MYO6: variants seen among roughly 807,000 people sequenced by gnomAD.
The protein encoded by MYO6 is unconventional myosin-VI.
A neutral mutation model predicts 178.7 loss-of-function variants in MYO6; 74 were observed. The observed-to-expected ratio is 0.41, with a 90% CI of 0.34 to 0.50. MYO6 has a LOEUF of 0.50. Ranked by LOEUF, MYO6 falls within the 20% of genes least tolerant of loss-of-function variation. The pLI is 0.09. For missense variants in MYO6, 1,330 were observed against 1,547.4 expected, an observed-to-expected ratio of 0.86 and a Z score of 2.36; for synonymous variants, 477 against 504.6, an observed-to-expected ratio of 0.95 and a Z score of 0.73.
chr6:75,753,665 G>A (rs1410523877), intron 1 of MYO6, among the ~76,000 whole-genome samples: 2 of 152,032 alleles, frequency 1.3e-5, no homozygotes, highest in African/African-American at 2.4e-5. Context: ...GTTTTGCCAT[G>A]TTGCCCAGGC....
chr6:75,822,480 G>A (rs1771991659), intron 2 of MYO6, among the ~76,000 whole-genome samples: 1 of 151,432 alleles, frequency 6.6e-6, no homozygotes, highest in African/African-American at 2.4e-5. Flanking sequence ...AATAGCATAT[G>A]TATGTAAATT....
Position 75,848,230 on chromosome 6 carries a change from T to C in MYO6, c.898-121T>C, listed in dbSNP as rs1421325246. The C allele has an allele frequency of 4.5e-6, 4 of 888,064 alleles. No homozygotes were observed. In the African/African-American group the frequency reaches 6.6e-5, roughly 15 times the overall value. The allele number at this position is 888,064 out of a possible 1,614,324, so 55.0% of individuals were successfully genotyped here. On this transcript the variant is annotated intron_variant, in intron 10 of 34. Transcript: ENST00000369977. ...TTTTTGAATGTTAGAATAGTAAAGATTTTCCCATTGACAGATTTTATTTTT... is the reference window on the plus strand; with the variant it reads ...TTTTTGAATGTTAGAATAGTAAAGACTTTCCCATTGACAGATTTTATTTTT...
intron 14 of MYO6, 144 bp downstream of exon 14, chr6:75,859,137 A>C (rs1775977671): frequency 3.1e-6 from 2 of 638,624 alleles, no homozygotes; most frequent in Non-Finnish European, 5.5e-6. Context: ...AGCCCAGCAG[A>C]GGCCCCGGGG....
chr6:75,827,910 A>G (rs1475321352), intron 3 of MYO6, among the ~76,000 whole-genome samples: 1 of 152,210 alleles, frequency 6.6e-6, no homozygotes, highest in Non-Finnish European at 1.5e-5. Flanking sequence ...AGCAAGGCAT[A>G]GAAATGGAGC....
intron 1 of MYO6, among the ~76,000 whole-genome samples, chr6:75,763,772 T>A (rs1778156124): frequency 6.6e-6 from 1 of 152,182 alleles, no homozygotes; most frequent in Non-Finnish European, 1.5e-5. Flanking sequence ...TATTTTATGA[T>A]TCTGAAATAA....
chr6:75,898,326 T>C (rs1779464226), intron 29 of MYO6, 47 bp from the exon 30 acceptor site: 2 of 1,226,608 alleles, frequency 1.6e-6, no homozygotes, highest in Non-Finnish European at 2.4e-6. Flanking sequence ...TTAATTTATG[T>C]AGTATGACTT....
At chr6:75,752,960 C>T (rs1257936881) in intron 1 of MYO6, among the ~76,000 whole-genome samples, 2 of 152,164 alleles carry the variant, frequency 1.3e-5, no homozygotes, top group Admixed American at 1.3e-4. Context: ...TTAAATATTA[C>T]ATAATTAATT....
chr6:75,851,827 A>G (rs957357931), intron 11 of MYO6, among the ~76,000 whole-genome samples: 15 of 151,888 alleles, frequency 9.9e-5, no homozygotes, highest in African/African-American at 3.6e-4. Flanking sequence ...GGAGAGTGAG[A>G]CCCTGTCTCC....
At chr6:75,898,271 T>C (rs1779458052) in intron 29 of MYO6, 102 bp from the exon 30 acceptor site, 3 of 766,026 alleles carry the variant, frequency 3.9e-6, no homozygotes, top group South Asian at 4.2e-5. Flanking sequence ...AGTTGTTAAA[T>C]AATATTGAAA....
rs1413630717 is a variant in MYO6 at position 75,892,710 on chromosome 6, G to C, written c.3107+20G>C. ...GCGGAGGTACTGGGGCCCCTGGGTG[G>C]GGTATAGCGCTCTCTCCTTTGCTTT... On this transcript the variant is annotated intron_variant, in intron 28 of 34. Transcript: ENST00000369977. 1 of 1,611,852 alleles carries C rather than the reference G, an allele frequency of 6.2e-7. No individual in the cohort carries two copies. The highest frequency in any genetic ancestry group is 1.1e-5 in the South Asian group (1 of 90,964).
At chr6:75,905,524 C>T (rs1053337337) in intron 30 of MYO6, among the ~76,000 whole-genome samples, 8 of 152,244 alleles carry the variant, frequency 5.3e-5, no homozygotes, top group Admixed American at 2.6e-4. Flanking sequence ...GGAAAGGGAA[C>T]TCCCTGACCC....
At chr6:75,757,027 A>ATATATAGTGTGTATATATGTATACACAC (rs1582974117) in intron 1 of MYO6, among the ~76,000 whole-genome samples, 3 of 70,906 alleles carry the variant, frequency 4.2e-5, no homozygotes, top group East Asian at 4.1e-4. Flanking sequence ...GTATACACAC[A>ATATATAGTGTGTATATATGTATACACAC]TATATAGTGT....
intron 29 of MYO6, among the ~76,000 whole-genome samples, chr6:75,897,264 C>G (rs1336477097): frequency 1.3e-5 from 2 of 152,198 alleles, no homozygotes; most frequent in Non-Finnish European, 2.9e-5. Context: ...TTATCAAAAT[C>G]TGCTGCATTT....
At chr6:75,889,784 T>G (rs998354456) in intron 25 of MYO6, among the ~76,000 whole-genome samples, 1 of 152,242 alleles carries the variant, frequency 6.6e-6, no homozygotes, top group African/African-American at 2.4e-5. Flanking sequence ...GTAATACTTG[T>G]GTGCAGAGAT....
intron 1 of MYO6, among the ~76,000 whole-genome samples, chr6:75,803,973 A>G (rs1299418577): frequency 6.6e-6 from 1 of 152,144 alleles, no homozygotes; most frequent in Non-Finnish European, 1.5e-5. Flanking sequence ...GGCTCACTGC[A>G]GCCTTGGCCA....
intron 1 of MYO6, among the ~76,000 whole-genome samples, chr6:75,787,683 T>TCC: frequency 7.5e-5 from 1 of 13,410 alleles, no homozygotes; most frequent in African/African-American, 5.6e-4. Context: ...CTATTCTCTC[T>TCC]CTCTCTCTCT....
chr6:75,838,143 C>T (rs1773840028), intron 7 of MYO6, among the ~76,000 whole-genome samples: 1 of 151,538 alleles, frequency 6.6e-6, no homozygotes, highest in Non-Finnish European at 1.5e-5. Flanking sequence ...ACCTCTGTCT[C>T]CCGAGTTCAA....
intron 1 of MYO6, among the ~76,000 whole-genome samples, chr6:75,781,662 C>T (rs1006058609): frequency 6.6e-6 from 1 of 152,068 alleles, no homozygotes; most frequent in Non-Finnish European, 1.5e-5. Context: ...TGGCTCATGC[C>T]TGTAATCCCA....
chr6:75,919,168 G>GCAA lies in MYO6; in HGVS notation c.*4156_*4157insCAA, dbSNP rs1781297726. ...GTACAAGTGCAGTTTTGTTACATGGGTATATTGCATAGTGGTAAAATGTGG... is the reference window on the plus strand; with the variant it reads ...GTACAAGTGCAGTTTTGTTACATGGGCAATATATTGCATAGTGGTAAAATGTGG... On this transcript the variant is annotated 3_prime_UTR_variant, in exon 35 of 35. Coordinates refer to ENST00000369977, the MANE Select transcript of MYO6 (RefSeq NM_004999.4). 1 of 152,144 alleles carries GCAA rather than the reference G, an allele frequency of 6.6e-6. No individual in the cohort carries two copies. The highest frequency in any genetic ancestry group is 1.5e-5 in the Non-Finnish European group (1 of 68,048). The allele number at this position is 152,144 out of a possible 1,614,324, so 9.4% of individuals were successfully genotyped here. A position where few individuals can be genotyped will look rare whatever the true frequency, so the allele number is the denominator to read the frequency against.
Sources: allele counts gnomAD v4.1 joint callset (sites outside exome capture counted in the v4.1 genomes callset), GRCh38; gene constraint gnomAD v4.1.1; transcripts MANE v1.5; gene names NCBI Gene and HGNC (gene_info 2026-07-23, HGNC 2026-07-21).